PCCA: variants seen among roughly 807,000 people sequenced by gnomAD.
PCCA encodes propionyl-CoA carboxylase subunit alpha.
PCCA carries 74 observed loss-of-function variants against 101.3 expected under a neutral mutation model. The observed-to-expected ratio is 0.73, with a 90% CI of 0.61 to 0.89. The LOEUF (loss-of-function observed/expected upper bound fraction) is 0.89. Ranked by LOEUF, PCCA falls within the 40% of genes least tolerant of loss-of-function variation. The probability of loss-of-function intolerance (pLI) is 0.00; values close to 1 mark genes in which losing one functional copy is unlikely to be tolerated. For missense variants in PCCA, 891 were observed against 907.0 expected (o/e 0.98, Z 0.23); for synonymous variants, 294 against 313.6 (o/e 0.94, Z 0.66).
At chr13:100,491,644 T>C (rs1566447418) in intron 21 of PCCA, 2 of 1,304,084 alleles carry the variant, frequency 1.5e-6, no homozygotes, top group South Asian at 1.2e-5. Flanking sequence ...AATAACTTTT[T>C]TGTAGCCCTG....
At chr13:100,094,561 T>C (rs140580052) in intron 1 of PCCA, among the ~76,000 whole-genome samples, 1 of 152,290 alleles carries the variant, frequency 6.6e-6, no homozygotes, top group Non-Finnish European at 1.5e-5. Flanking sequence ...CAAAACCTAA[T>C]ACAGCATCCA....
intron 14 of PCCA, among the ~76,000 whole-genome samples, chr13:100,304,374 A>G (rs1415601605): frequency 2.0e-5 from 3 of 152,264 alleles, no homozygotes; most frequent in African/African-American, 4.8e-5. Context: ...AGCTTTGTCT[A>G]TCATTATTGC....
intron 6 of PCCA, among the ~76,000 whole-genome samples, chr13:100,182,535 G>A (rs2056896564): frequency 6.6e-6 from 1 of 152,174 alleles, no homozygotes; most frequent in Non-Finnish European, 1.5e-5. Context: ...ATACGTGGGT[G>A]CTTTGAGGAA....
chr13:100,119,776 C>T (rs907131793), intron 4 of PCCA, among the ~76,000 whole-genome samples: 19 of 152,140 alleles, frequency 1.2e-4, no homozygotes, highest in African/African-American at 4.6e-4. Context: ...TTTCTCTGAT[C>T]GTTAAAACCC....
chr13:100,503,791 T>G (rs1461254982), intron 21 of PCCA, among the ~76,000 whole-genome samples: 1 of 152,092 alleles, frequency 6.6e-6, no homozygotes, highest in Non-Finnish European at 1.5e-5. Context: ...GCCTATGGTC[T>G]CAGCTACTTG....
rs576498945 is a variant in PCCA at position 100,386,777 on chromosome 13, T to C, written c.1746+18203T>C. Among the ~76,000 whole-genome samples, 27 of 152,344 alleles carry C rather than the reference T, an allele frequency of 1.8e-4. 1 individual carries two copies. The South Asian group carries it at 4.1e-3, about 23-fold the overall frequency. ...GCTTGTGATATCCACAGAATATCTT[T>C]GGAAGGAGCCACAAGAAACTGGGAC... On this transcript the variant is annotated intron_variant, in intron 19 of 23. Coordinates refer to ENST00000376285, the MANE Select transcript of PCCA (RefSeq NM_000282.4).
At chr13:100,145,666 A>G (rs1241677487) in intron 4 of PCCA, among the ~76,000 whole-genome samples, 1 of 151,982 alleles carries the variant, frequency 6.6e-6, no homozygotes, top group Non-Finnish European at 1.5e-5. Context: ...GATGGAGACC[A>G]TCCTGGCTAA....
intron 6 of PCCA, among the ~76,000 whole-genome samples, chr13:100,201,857 C>CAAAAAAAAA (rs55669622): frequency 6.6e-5 from 4 of 60,732 alleles, no homozygotes; most frequent in East Asian, 5.6e-4. Flanking sequence ...AACTGCGTCT[C>CAAAAAAAAA]AAAAAAAAAA....
At chr13:100,118,009 G>A (rs540070779) in intron 4 of PCCA, among the ~76,000 whole-genome samples, 1 of 151,710 alleles carries the variant, frequency 6.6e-6, no homozygotes, top group Admixed American at 6.6e-5. Context: ...CCAGCTACTT[G>A]GGAGGCTGAG....
chr13:100,305,379 T>C (rs1371816595), intron 14 of PCCA, among the ~76,000 whole-genome samples: 2 of 152,208 alleles, frequency 1.3e-5, no homozygotes. Flanking sequence ...TAAGGAACTG[T>C]AGAAGAACAT....
chr13:100,475,664 A>G (rs1273099594), intron 21 of PCCA, among the ~76,000 whole-genome samples: 1 of 152,208 alleles, frequency 6.6e-6, no homozygotes, highest in Non-Finnish European at 1.5e-5. Flanking sequence ...TATACCTAGA[A>G]GTGGAATTTC....
At chr13:100,228,625 C>T (rs573384630) in intron 7 of PCCA, among the ~76,000 whole-genome samples, 4 of 151,838 alleles carry the variant, frequency 2.6e-5, no homozygotes, top group Admixed American at 6.5e-5. Context: ...AGGCTGGGCG[C>T]GGTGGCTCAC....
intron 8 of PCCA, among the ~76,000 whole-genome samples, chr13:100,251,427 T>C (rs1361148561): frequency 6.6e-6 from 1 of 152,204 alleles, no homozygotes. Context: ...GCTGCTCAGA[T>C]TAACTAATAG....
chr13:100,118,089 C>G (rs2048992986), intron 4 of PCCA, among the ~76,000 whole-genome samples: 1 of 146,348 alleles, frequency 6.8e-6, no homozygotes, highest in Non-Finnish European at 1.5e-5. Flanking sequence ...GCAGTCCAGC[C>G]TGGGCGACAG....
chr13:100,273,110 A>T, intron 11 of PCCA, 86 bp from the exon 12 acceptor site: 1 of 966,652 alleles, frequency 1.0e-6, no homozygotes, highest in Non-Finnish European at 1.7e-6. Flanking sequence ...ATCTGAGTAA[A>T]CTTTAAGAAA....
chr13:100,224,483 C>G (rs1185951148), intron 7 of PCCA, among the ~76,000 whole-genome samples: 1 of 152,214 alleles, frequency 6.6e-6, no homozygotes, highest in African/African-American at 2.4e-5. Flanking sequence ...TTGGCCAGCC[C>G]AGAAAGGGGC....
chr13:100,095,813 T>C (rs947800814), intron 1 of PCCA, among the ~76,000 whole-genome samples: 1 of 152,122 alleles, frequency 6.6e-6, no homozygotes, highest in African/African-American at 2.4e-5. Context: ...ATTTGGAATT[T>C]AGTAATGAGA....
At chr13:100,269,968 C>T (rs551320370) in intron 11 of PCCA, among the ~76,000 whole-genome samples, 1 of 152,318 alleles carries the variant, frequency 6.6e-6, no homozygotes, top group South Asian at 2.1e-4. Context: ...GACCCGTAGA[C>T]TACTTAGAAG....
chr13:100,155,676 A>G (rs542542452), intron 5 of PCCA, among the ~76,000 whole-genome samples: 1 of 152,132 alleles, frequency 6.6e-6, no homozygotes, highest in Non-Finnish European at 1.5e-5. Context: ...TTTTTCTTCT[A>G]TTTTCTTTTT....
Sources: allele counts gnomAD v4.1 joint callset (sites outside exome capture counted in the v4.1 genomes callset), GRCh38; gene constraint gnomAD v4.1.1; transcripts MANE v1.5; gene names NCBI Gene and HGNC (gene_info 2026-07-23, HGNC 2026-07-21).